ASIC2: variants seen among roughly 807,000 people sequenced by gnomAD.
The protein encoded by ASIC2 is acid-sensing ion channel 2.
Under a neutral mutation model 57.3 loss-of-function variants are expected in ASIC2, and 25 were observed. That is an observed-to-expected ratio of 0.44 (90% confidence interval 0.32 to 0.61). The LOEUF is 0.61. ASIC2 is among the 20% of genes least tolerant of loss of function. The probability of loss-of-function intolerance (pLI) is 0.06; values close to 1 mark genes in which losing one functional copy is unlikely to be tolerated. For missense variants in ASIC2, 641 were observed against 738.1 expected, an observed-to-expected ratio of 0.87 and a Z score of 1.52; for synonymous variants, 319 against 307.5, an observed-to-expected ratio of 1.04 and a Z score of -0.39.
intron 3 of ASIC2, among the ~76,000 whole-genome samples, chr17:33,082,516 T>C (rs1011481623): frequency 1.3e-4 from 19 of 151,970 alleles, no homozygotes; most frequent in African/African-American, 4.4e-4. Flanking sequence ...CTGGTCAAAG[T>C]GGTGAAACCA....
intron 1 of ASIC2, among the ~76,000 whole-genome samples, chr17:33,588,681 C>G (rs912014924): frequency 2.0e-5 from 3 of 152,180 alleles, no homozygotes; most frequent in Non-Finnish European, 4.4e-5. Flanking sequence ...AAGATCGCAT[C>G]ACAGGCTCAT....
intron 1 of ASIC2, among the ~76,000 whole-genome samples, chr17:33,745,519 A>AG (rs1371410340): frequency 1.3e-5 from 2 of 151,922 alleles, no homozygotes; most frequent in Admixed American, 6.6e-5. Flanking sequence ...AAAGTCAAAA[A>AG]AAAAAAAAAT....
intron 1 of ASIC2, among the ~76,000 whole-genome samples, chr17:33,145,925 C>T (rs1382188893): frequency 6.6e-6 from 1 of 152,214 alleles, no homozygotes; most frequent in African/African-American, 2.4e-5. Context: ...GGAGCTCCCT[C>T]ACCCTCCCGC....
chr17:33,382,118 G>A (rs1016739337), intron 1 of ASIC2, among the ~76,000 whole-genome samples: 10 of 152,214 alleles, frequency 6.6e-5, no homozygotes, highest in Middle Eastern at 3.4e-3. Context: ...GACACCGGGC[G>A]CTGTCTCTGC....
intron 1 of ASIC2, among the ~76,000 whole-genome samples, chr17:33,998,258 TTTGAG>T (rs1299827605): frequency 3.3e-5 from 5 of 152,126 alleles, no homozygotes; most frequent in Non-Finnish European, 7.4e-5. Context: ...TATAATTTTA[TTTGAG>T]TTTTCTCTTT....
At chr17:34,051,891 CGAGAGAGT>C (rs1178242519) in intron 1 of ASIC2, among the ~76,000 whole-genome samples, 2 of 126,956 alleles carry the variant, frequency 1.6e-5, no homozygotes, top group Admixed American at 7.8e-5. Context: ...AGCGAGAGAG[CGAGAGAGT>C]GAGTTTTTTC....
intron 1 of ASIC2, among the ~76,000 whole-genome samples, chr17:33,827,532 G>A (rs1415366733): frequency 6.8e-6 from 1 of 146,996 alleles, no homozygotes; most frequent in Admixed American, 6.8e-5. Flanking sequence ...TTTTAGTAAA[G>A]ATGGGGTTTC....
chr17:33,600,534 G>C (rs1033659047), intron 1 of ASIC2, among the ~76,000 whole-genome samples: 1 of 152,242 alleles, frequency 6.6e-6, no homozygotes, highest in Non-Finnish European at 1.5e-5. Flanking sequence ...GTAATGGGTA[G>C]AGGTTGGCAG....
rs561030434 is a variant in ASIC2, at chr17:33,821,014, G to A, written c.555+334964C>T. On this transcript the variant is annotated intron_variant, in intron 1 of 9. Transcript: ENST00000359872. ...TACAAACAGTTCTGCCGGGAGTTCT[G>A]CATTGGGCTTTAGAGCTAATGCTTG... 1.4e-4 allele frequency among the ~76,000 whole-genome samples: 21 copies of A among 152,306 alleles called. No individual in the cohort carries two copies. The South Asian group carries it at 4.4e-3, about 32-fold the overall frequency.
intron 1 of ASIC2, among the ~76,000 whole-genome samples, chr17:33,195,958 A>G (rs1037909855): frequency 6.6e-6 from 1 of 152,086 alleles, no homozygotes; most frequent in Non-Finnish European, 1.5e-5. Context: ...TTTTGCACCA[A>G]CCTAATAAAA....
At chr17:33,300,606 G>T (rs975541369) in intron 1 of ASIC2, among the ~76,000 whole-genome samples, 5 of 152,164 alleles carry the variant, frequency 3.3e-5, no homozygotes, top group Admixed American at 2.6e-4. Flanking sequence ...ATTTGCATAA[G>T]ATTTAATTTT....
Position 33,945,993 on chromosome 17 carries a change from G to A in ASIC2, c.555+209985C>T, listed in dbSNP as rs1367926060. On this transcript the variant is annotated intron_variant, in intron 1 of 9. Transcript: ENST00000359872. ...TTAGGAGGCATCCTCCAGCATGCAA[G>A]ATGAAAGTCAGAGACCATCAGACCT... is the stretch of plus-strand genomic sequence containing the variant. Among the ~76,000 whole-genome samples, 3 of 152,196 alleles carry A rather than the reference G, an allele frequency of 2.0e-5. No homozygotes were observed. The East Asian group carries it at 5.8e-4, about 29-fold the overall frequency.
intron 1 of ASIC2, among the ~76,000 whole-genome samples, chr17:33,939,614 C>G (rs1465335253): frequency 6.6e-6 from 1 of 152,202 alleles, no homozygotes; most frequent in African/African-American, 2.4e-5. Context: ...ACTGGCTGTA[C>G]TGGATTTCTA....
chr17:33,973,244 G>C (rs770152362), intron 1 of ASIC2, among the ~76,000 whole-genome samples: 2 of 152,198 alleles, frequency 1.3e-5, no homozygotes, highest in Non-Finnish European at 2.9e-5. Context: ...CAGCTGAAGG[G>C]ATCAGAAGCA....
chr17:33,925,453 C>T (rs1191193675), intron 1 of ASIC2, among the ~76,000 whole-genome samples: 1 of 152,180 alleles, frequency 6.6e-6, no homozygotes, highest in Non-Finnish European at 1.5e-5. Context: ...TTCTTTCTTC[C>T]AAGACTGCAG....
chr17:33,049,151 A>T (rs1287499480), intron 3 of ASIC2, among the ~76,000 whole-genome samples: 3 of 152,244 alleles, frequency 2.0e-5, no homozygotes, highest in Non-Finnish European at 4.4e-5. Context: ...GGGAGACAGC[A>T]GTACGGCCCC....
intron 1 of ASIC2, among the ~76,000 whole-genome samples, chr17:33,694,345 G>A (rs907106695): frequency 2.0e-5 from 3 of 152,180 alleles, no homozygotes; most frequent in Non-Finnish European, 4.4e-5. Context: ...CCCTGGGACG[G>A]GAGCACCGTC....
At chr17:33,014,120 T>A in intron 9 of ASIC2, 54 bp from the exon 10 acceptor site, 1 of 1,420,236 alleles carries the variant, frequency 7.0e-7, no homozygotes, top group Non-Finnish European at 9.7e-7. Context: ...AAATTCTTCA[T>A]GATGCCACCA....
intron 3 of ASIC2, among the ~76,000 whole-genome samples, chr17:33,043,801 G>A (rs2091939000): frequency 6.6e-6 from 1 of 152,126 alleles, no homozygotes; most frequent in African/African-American, 2.4e-5. Context: ...GACCACACAG[G>A]GAATCACCCC....
Sources: allele counts gnomAD v4.1 joint callset (sites outside exome capture counted in the v4.1 genomes callset), GRCh38; gene constraint gnomAD v4.1.1; transcripts MANE v1.5; gene names NCBI Gene and HGNC (gene_info 2026-07-23, HGNC 2026-07-21).